Variants in MBP observed in about 807,000 individuals in gnomAD.
The protein encoded by MBP is myelin basic protein, also known as Golli-MBP.
A neutral mutation model predicts 35.8 loss-of-function variants in MBP; 16 were observed. The ratio of observed to expected loss-of-function variants is 0.45; its 90% CI spans 0.30 to 0.68. The LOEUF is 0.68. MBP is among the 30% of genes least tolerant of loss of function. The pLI is 0.08. For synonymous variants in MBP, 143 were observed against 159.6 expected (o/e 0.90, Z 0.78); for missense variants, 380 against 404.7 (o/e 0.94, Z 0.52).
intron 4 of MBP, among the ~76,000 whole-genome samples, chr18:77,007,420 C>T (rs1175901438): frequency 6.6e-6 from 1 of 152,220 alleles, no homozygotes; most frequent in East Asian, 1.9e-4. Context: ...CCTCTGTGTG[C>T]ACCTCCTGCA....
At chr18:76,998,123 C>T (rs1258292160) in intron 4 of MBP, among the ~76,000 whole-genome samples, 3 of 152,366 alleles carry the variant, frequency 2.0e-5, no homozygotes, top group South Asian at 2.1e-4. Flanking sequence ...TCCATCTCCA[C>T]ACCCTCTCCA....
intron 3 of MBP, among the ~76,000 whole-genome samples, chr18:77,028,506 T>C (rs1327869752): frequency 0.027 from 2,708 of 98,650 alleles, 76 homozygotes; most frequent in African/African-American, 0.075. Flanking sequence ...AGCTGTTGGG[T>C]ACACCTCCCA....
In MBP at chr18:77,028,693, C is replaced by CAGCCG. The variant is rs1238003026; in HGVS notation, c.140-11426_140-11425insCGGCT. ...GGGGCTCCTCACTTCCCAGTAGGGGCGGCCGGGCAGAGGCGCCCCTCACCT... is the reference window on the plus strand; with the variant it reads ...GGGGCTCCTCACTTCCCAGTAGGGGCAGCCGGGCCGGGCAGAGGCGCCCCTCACCT... On this transcript the variant is annotated intron_variant, in intron 3 of 8. Coordinates refer to ENST00000355994, the MANE Select transcript of MBP (RefSeq NM_001025101.2). Among the ~76,000 whole-genome samples, 4 of 86,094 alleles carry CAGCCG rather than the reference C, an allele frequency of 4.6e-5. 1 individual carries two copies. The highest frequency in any genetic ancestry group is 1.2e-4 in the Non-Finnish European group (4 of 32,330). The allele number at this position is 86,094 out of a possible 152,430, so 56.5% of individuals were successfully genotyped here. A position where few individuals can be genotyped will look rare whatever the true frequency, so the allele number is the denominator to read the frequency against.
intron 3 of MBP, among the ~76,000 whole-genome samples, chr18:77,042,179 G>A (rs1173710647): frequency 6.6e-6 from 1 of 152,196 alleles, no homozygotes; most frequent in Non-Finnish European, 1.5e-5. Flanking sequence ...TGCATAGCCT[G>A]TATTAAGAAG....
At chr18:77,118,266 G>A (rs1373891192) in intron 1 of MBP, among the ~76,000 whole-genome samples, 5 of 151,472 alleles carry the variant, frequency 3.3e-5, no homozygotes, top group African/African-American at 4.9e-5. Flanking sequence ...GGAGGCCTGT[G>A]TCCCACCCCA....
At chr18:77,014,512 C>G in intron 4 of MBP, 1 of 985,464 alleles carries the variant, frequency 1.0e-6, no homozygotes, top group South Asian at 4.7e-5. Flanking sequence ...CGGCCTATCC[C>G]AAGGACCTTC....
At chr18:77,024,855 T>A (rs996410548) in intron 3 of MBP, among the ~76,000 whole-genome samples, 1 of 152,200 alleles carries the variant, frequency 6.6e-6, no homozygotes, top group African/African-American at 2.4e-5. Context: ...TCATTTCTAT[T>A]CTTACCTGAA....
intron 1 of MBP, among the ~76,000 whole-genome samples, chr18:77,111,850 A>G (rs1476039387): frequency 2.0e-5 from 3 of 152,242 alleles, no homozygotes; most frequent in African/African-American, 7.2e-5. Flanking sequence ...TTTGAAAAAG[A>G]AATCCTGGAG....
chr18:76,985,016 G>C (rs1228831680), intron 7 of MBP, 122 bp from the exon 8 acceptor site: 6 of 1,525,220 alleles, frequency 3.9e-6, no homozygotes, highest in African/African-American at 1.4e-5. Flanking sequence ...ACTGGTGAGT[G>C]GTTCAGGAGC....
intron 3 of MBP, among the ~76,000 whole-genome samples, chr18:77,039,728 T>C (rs1972908159): frequency 6.6e-6 from 1 of 152,154 alleles, no homozygotes. Context: ...ACAAAAACAT[T>C]CTGAAATCAG....
rs768256668 is a variant in MBP, at chr18:77,066,284, T to C, written c.139+14A>G. ...ACCATGTGGCGCCATGTTGCCGATA[T>C]CTGCGTCACCTACCGAACACTTCGT... On this transcript the variant is annotated intron_variant, in intron 3 of 8. Transcript: ENST00000355994. The C allele has an allele frequency of 1.1e-5, 17 of 1,607,308 alleles. No individual in the cohort carries two copies. Among genetic ancestry groups the C allele is most frequent in the Non-Finnish European group, 1.3e-5 (15 of 1,175,660 alleles).
chr18:77,048,338 G>A (rs772130441), intron 3 of MBP, among the ~76,000 whole-genome samples: 2 of 152,388 alleles, frequency 1.3e-5, no homozygotes, highest in Middle Eastern at 6.8e-3. Flanking sequence ...GATTAAGGAT[G>A]TGGCGGTGGA....
At chr18:77,030,181 T>C (rs1041841235) in intron 3 of MBP, among the ~76,000 whole-genome samples, 9 of 150,214 alleles carry the variant, frequency 6.0e-5, no homozygotes, top group African/African-American at 2.3e-4. Flanking sequence ...AATCAGACAA[T>C]GGTTAGGAGG....
chr18:77,047,025 A>C (rs1163131174), intron 3 of MBP, among the ~76,000 whole-genome samples: 4 of 152,220 alleles, frequency 2.6e-5, no homozygotes, highest in Non-Finnish European at 5.9e-5. Flanking sequence ...CCTCTGGGGA[A>C]TGGTGTTCGA....
intron 2 of MBP, among the ~76,000 whole-genome samples, chr18:77,088,113 C>A (rs182784782): frequency 2.0e-5 from 3 of 152,182 alleles, no homozygotes; most frequent in African/African-American, 7.2e-5. Context: ...CACGCATGGC[C>A]ACCTGGCCTC....
intron 2 of MBP, among the ~76,000 whole-genome samples, chr18:77,069,509 CG>C (rs1425948903): frequency 6.6e-6 from 1 of 152,146 alleles, no homozygotes; most frequent in African/African-American, 2.4e-5. Flanking sequence ...TCTCTCCAAG[CG>C]GGACACCACT....
intron 3 of MBP, among the ~76,000 whole-genome samples, chr18:77,028,698 G>A (rs868270052): frequency 8.0e-4 from 72 of 89,512 alleles, no homozygotes; most frequent in Non-Finnish European, 1.3e-3. Flanking sequence ...AGGGGCGGCC[G>A]GGCAGAGGCG....
intron 3 of MBP, among the ~76,000 whole-genome samples, chr18:77,065,000 C>T (rs1421040166): frequency 4.6e-5 from 7 of 152,132 alleles, no homozygotes; most frequent in Non-Finnish European, 8.8e-5. Context: ...GCCCTGTGGT[C>T]TTGGGCAAGT....
At chr18:77,027,675 T>C (rs1472559962) in intron 3 of MBP, among the ~76,000 whole-genome samples, 3 of 152,232 alleles carry the variant, frequency 2.0e-5, no homozygotes, top group African/African-American at 7.2e-5. Flanking sequence ...CCACCAGATA[T>C]TTTGACAGAA....
Sources: allele counts gnomAD v4.1 joint callset (sites outside exome capture counted in the v4.1 genomes callset), GRCh38; gene constraint gnomAD v4.1.1; transcripts MANE v1.5; gene names NCBI Gene and HGNC (gene_info 2026-07-23, HGNC 2026-07-21).